Variants in TBCK observed in about 807,000 individuals in gnomAD.
The protein encoded by TBCK is TBC domain-containing protein kinase-like protein.
In TBCK, 99 loss-of-function variants were observed where a neutral mutation model predicts 113.4. That is an observed-to-expected ratio of 0.87 (90% confidence interval 0.74 to 1.03). The LOEUF (loss-of-function observed/expected upper bound fraction) is 1.03, where lower values mean the gene tolerates loss of function less well. Ranked by LOEUF, TBCK falls within the 50% of genes least tolerant of loss-of-function variation. The pLI, the probability that TBCK is intolerant of heterozygous loss-of-function variation, is 0.00. For synonymous variants in TBCK, 369 were observed against 370.8 expected (o/e 1.00, Z 0.05); for missense variants, 1,045 against 1,061.3 (o/e 0.98, Z 0.21).
chr4:106,246,489 ATAT>A (rs1760829755), intron 10 of TBCK, among the ~76,000 whole-genome samples: 2 of 152,178 alleles, frequency 1.3e-5, no homozygotes, highest in African/African-American at 4.8e-5. Flanking sequence ...CTTATCAATA[ATAT>A]TATTTTTAGA....
At chr4:106,144,537 G>A (rs1222061866) in intron 23 of TBCK, among the ~76,000 whole-genome samples, 1 of 152,134 alleles carries the variant, frequency 6.6e-6, no homozygotes, top group Non-Finnish European at 1.5e-5. Context: ...GTTGAAAAGT[G>A]CCTGGCACAT....
At chr4:106,189,301 C>T (rs1007990140) in intron 22 of TBCK, among the ~76,000 whole-genome samples, 1 of 150,386 alleles carries the variant, frequency 6.6e-6, no homozygotes. Context: ...CAAAATTGTG[C>T]CACTGCACTT....
chr4:106,313,059 ATG>A (rs1219059520), intron 1 of TBCK, among the ~76,000 whole-genome samples: 3 of 152,238 alleles, frequency 2.0e-5, no homozygotes, highest in African/African-American at 7.2e-5. Context: ...CTTAAAATCA[ATG>A]TGTTTTAATA....
intron 5 of TBCK, among the ~76,000 whole-genome samples, chr4:106,257,945 T>C (rs1762163381): frequency 6.6e-6 from 1 of 152,072 alleles, no homozygotes; most frequent in African/African-American, 2.4e-5. Context: ...TTTCATCTTT[T>C]TTCCTGATTT....
intron 25 of TBCK, among the ~76,000 whole-genome samples, chr4:106,064,432 A>C (rs1373029654): frequency 2.0e-5 from 3 of 151,716 alleles, no homozygotes; most frequent in Non-Finnish European, 2.9e-5. Flanking sequence ...ATAATTGCCC[A>C]TCTGCCTGCA....
intron 19 of TBCK, among the ~76,000 whole-genome samples, chr4:106,228,009 G>A (rs1245404078): frequency 1.3e-5 from 2 of 151,890 alleles, no homozygotes; most frequent in African/African-American, 2.4e-5. Context: ...TGAGAAAAAT[G>A]TTACCTACAC....
chr4:106,250,444 T>G lies in TBCK; in HGVS notation c.632A>C (p.Glu211Ala), dbSNP rs530670850. ...RKLFQSLDIS[E>A]RLKFLLTLDC... Reference sequence around the variant, plus strand: ...CAAAGTAAGCAAAAATTTTAGTCTTTCAGAAATATCCAAGCTCTGAAATAA... The same window carrying G: ...CAAAGTAAGCAAAAATTTTAGTCTTGCAGAAATATCCAAGCTCTGAAATAA... The change falls in exon 7 of 26, where the codon GAA (glutamate) becomes GCA (alanine). Residue 211 changes from glutamate to alanine, a missense_variant. By Grantham distance (107) the Glu-to-Ala change is moderately radical. Coordinates refer to ENST00000394708, the MANE Select transcript of TBCK (RefSeq NM_001163435.3). 8 of 1,568,156 alleles carry G rather than the reference T, an allele frequency of 5.1e-6. No homozygotes were observed. Among genetic ancestry groups the G allele is most frequent in the South Asian group, 1.2e-5 (1 of 85,254 alleles).
At chr4:106,061,229 A>C (rs1393179401) in intron 25 of TBCK, among the ~76,000 whole-genome samples, 2 of 151,814 alleles carry the variant, frequency 1.3e-5, no homozygotes, top group Non-Finnish European at 2.9e-5. Context: ...TGCATGCTAC[A>C]GAGAAATCTT....
chr4:106,239,942 G>A (rs1299244411), intron 12 of TBCK, among the ~76,000 whole-genome samples: 6 of 151,726 alleles, frequency 4.0e-5, no homozygotes, highest in Admixed American at 3.9e-4. Flanking sequence ...GAAACTCACA[G>A]GCCTATCTCA....
chr4:106,279,543 A>G (rs1764370556), intron 3 of TBCK, among the ~76,000 whole-genome samples: 1 of 152,152 alleles, frequency 6.6e-6, no homozygotes, highest in Non-Finnish European at 1.5e-5. Context: ...ATTAAATACC[A>G]GATCTTATTC....
At chr4:106,212,650 G>T in intron 20 of TBCK, 100 bp downstream of exon 20, 2 of 769,298 alleles carry the variant, frequency 2.6e-6, no homozygotes, top group Non-Finnish European at 4.3e-6. Flanking sequence ...GTTCAGATAT[G>T]CACTATGACA....
chr4:106,060,538 C>A (rs1003410681), intron 25 of TBCK, among the ~76,000 whole-genome samples: 1 of 151,772 alleles, frequency 6.6e-6, no homozygotes, highest in African/African-American at 2.4e-5. Context: ...AAAAAAGATT[C>A]CTTTCAAAAT....
intron 19 of TBCK, among the ~76,000 whole-genome samples, chr4:106,213,199 G>C (rs1351941103): frequency 6.6e-6 from 1 of 152,128 alleles, no homozygotes; most frequent in Non-Finnish European, 1.5e-5. Context: ...TTAAATGAAG[G>C]AGAACATTTA....
intron 25 of TBCK, among the ~76,000 whole-genome samples, chr4:106,061,333 AG>A (rs1736019686): frequency 1.3e-5 from 2 of 151,686 alleles, no homozygotes; most frequent in Admixed American, 1.3e-4. Context: ...ATTGCCCTTT[AG>A]GAACCTTTAG....
At chr4:106,075,611 C>T (rs747604861) in intron 25 of TBCK, among the ~76,000 whole-genome samples, 32 of 151,964 alleles carry the variant, frequency 2.1e-4, no homozygotes, top group Non-Finnish European at 4.0e-4. Context: ...TCATAGATGA[C>T]GTATTTAATT....
intron 25 of TBCK, among the ~76,000 whole-genome samples, chr4:106,075,053 G>A (rs1738010000): frequency 1.3e-5 from 2 of 152,168 alleles, no homozygotes; most frequent in Admixed American, 6.5e-5. Flanking sequence ...ATGATGGGAG[G>A]TGGGGCAAAG....
intron 3 of TBCK, among the ~76,000 whole-genome samples, chr4:106,278,558 CAAAA>C (rs376599844): frequency 4.5e-5 from 1 of 22,136 alleles, no homozygotes; most frequent in Non-Finnish European, 8.4e-5. Flanking sequence ...AACTCTGTCT[CAAAA>C]AAAAAAAAAA....
chr4:106,049,511 GA>G (rs1229790720), intron 25 of TBCK, among the ~76,000 whole-genome samples: 10 of 152,042 alleles, frequency 6.6e-5, no homozygotes, highest in African/African-American at 2.4e-4. Flanking sequence ...GGTTAGGGAG[GA>G]AAGAAAAGGC....
At chr4:106,120,222 C>T (rs1416204249) in intron 23 of TBCK, among the ~76,000 whole-genome samples, 1 of 152,120 alleles carries the variant, frequency 6.6e-6, no homozygotes, top group Non-Finnish European at 1.5e-5. Flanking sequence ...CCTGGAAAAT[C>T]GGGTCACTCC....
Sources: allele counts gnomAD v4.1 joint callset (sites outside exome capture counted in the v4.1 genomes callset), GRCh38; gene constraint gnomAD v4.1.1; transcripts MANE v1.5; gene names NCBI Gene and HGNC (gene_info 2026-07-23, HGNC 2026-07-21).